BTAF1: variants seen among roughly 807,000 people sequenced by gnomAD.
BTAF1 encodes TATA-binding protein-associated factor 172.
Under a neutral mutation model 227.1 loss-of-function variants are expected in BTAF1, and 38 were observed. The ratio of observed to expected loss-of-function variants is 0.17; its 90% CI spans 0.13 to 0.22. The LOEUF (loss-of-function observed/expected upper bound fraction) is 0.22, where lower values mean the gene tolerates loss of function less well. BTAF1 is among the 10% of genes least tolerant of loss of function. BTAF1 has a pLI of 1.00. For missense variants in BTAF1, 1,598 were observed against 2,204.0 expected (o/e 0.73, Z 5.51); for synonymous variants, 742 against 751.9 (o/e 0.99, Z 0.21).
At chr10:91,984,853 C>T (rs545323709) in intron 19 of BTAF1, among the ~76,000 whole-genome samples, 23 of 152,234 alleles carry the variant, frequency 1.5e-4, no homozygotes, top group Non-Finnish European at 2.5e-4. Flanking sequence ...TTATCACATA[C>T]GTATTCACCT....
intron 20 of BTAF1, among the ~76,000 whole-genome samples, chr10:91,991,291 T>TATATATATATATATATATATATATAA (rs1456317058): frequency 7.5e-6 from 1 of 133,060 alleles, no homozygotes; most frequent in South Asian, 2.6e-4. Flanking sequence ...TATATATATA[T>TATATATATATATATATATATATATAA]AAATTATCCG....
intron 35 of BTAF1, among the ~76,000 whole-genome samples, chr10:92,025,897 C>T (rs997050634): frequency 5.3e-5 from 8 of 151,824 alleles, no homozygotes; most frequent in Non-Finnish European, 1.0e-4. Context: ...CTTTGGAAGC[C>T]GACAGGCTCA....
At chr10:92,021,926 A>G (rs369564137) in intron 34 of BTAF1, among the ~76,000 whole-genome samples, 12 of 152,308 alleles carry the variant, frequency 7.9e-5, no homozygotes, top group East Asian at 3.9e-4. Flanking sequence ...AATATGAGGA[A>G]TGATTGAAAA....
Position 91,942,563 on chromosome 10 carries a change from A to G in BTAF1, c.395A>G (p.Lys132Arg). 3 of 1,614,014 alleles carry G rather than the reference A, an allele frequency of 1.9e-6. No homozygotes were observed. Among genetic ancestry groups the G allele is most frequent in the Non-Finnish European group, 1.7e-6 (2 of 1,179,980 alleles). Reference protein sequence around the residue: ...AGAEFEVQDEKSGEVDPKERI... With the variant: ...AGAEFEVQDERSGEVDPKERI... Reference sequence around the variant, plus strand: ...GCCGAATTTGAAGTCCAAGATGAAAAATCAGGTCTGTAGTGGTTCTGAGAA... The same window carrying G: ...GCCGAATTTGAAGTCCAAGATGAAAGATCAGGTCTGTAGTGGTTCTGAGAA... The change falls in exon 4 of 38, where the codon AAA becomes AGA. Residue 132 changes from lysine (K) to arginine (R), a missense_variant. Lys to Arg is a conservative substitution (Grantham distance 26). Around this residue, in one of 10 missense-constraint regions of BTAF1, gnomAD observed 298 missense variants for 395.2 expected, o/e 0.75. Coordinates refer to ENST00000265990, the MANE Select transcript of BTAF1 (RefSeq NM_003972.3).
chr10:91,959,226 C>T (rs1169358739), intron 9 of BTAF1, 72 bp downstream of exon 9: 5 of 1,602,712 alleles, frequency 3.1e-6, no homozygotes, highest in Non-Finnish European at 4.3e-6. Flanking sequence ...AGGGAAGTAA[C>T]GAGTATGTGC....
intron 35 of BTAF1, among the ~76,000 whole-genome samples, chr10:92,025,828 A>C (rs1351896602): frequency 2.0e-5 from 3 of 151,352 alleles, no homozygotes; most frequent in African/African-American, 7.3e-5. Context: ...AAAAAAAAAA[A>C]AAAACAAGCA....
intron 18 of BTAF1, among the ~76,000 whole-genome samples, chr10:91,983,376 A>G (rs1848192891): frequency 6.6e-6 from 1 of 152,194 alleles, no homozygotes; most frequent in Non-Finnish European, 1.5e-5. Flanking sequence ...TGGAAATTTA[A>G]CTGTCTGCAC....
chr10:92,009,348 A>G, intron 28 of BTAF1, 140 bp downstream of exon 28: 1 of 911,372 alleles, frequency 1.1e-6, no homozygotes, highest in Non-Finnish European at 1.6e-6. Flanking sequence ...AAGTGAATGT[A>G]CTTTGGGAAG....
intron 4 of BTAF1, among the ~76,000 whole-genome samples, chr10:91,945,902 C>T (rs1845331351): frequency 1.3e-5 from 2 of 152,204 alleles, no homozygotes; most frequent in Admixed American, 1.3e-4. Context: ...TTTCTACCAA[C>T]AGTACACAAG....
intron 21 of BTAF1, among the ~76,000 whole-genome samples, chr10:91,993,233 A>C (rs761397523): frequency 3.3e-5 from 5 of 152,174 alleles, no homozygotes; most frequent in Non-Finnish European, 7.4e-5. Context: ...TTGGGGGGAC[A>C]GATTTATGGA....
chr10:91,942,295 A>AAAGTGTGTGT, intron 3 of BTAF1, 127 bp from the exon 4 acceptor site: 1 of 553,824 alleles, frequency 1.8e-6, no homozygotes, highest in Non-Finnish European at 2.8e-6. Flanking sequence ...TAAAAAAAAA[A>AAAGTGTGTGT]GTTTGTGTGT....
intron 14 of BTAF1, among the ~76,000 whole-genome samples, chr10:91,974,944 G>T (rs1036183817): frequency 1.3e-5 from 2 of 152,198 alleles, no homozygotes; most frequent in African/African-American, 2.4e-5. Flanking sequence ...TAATCAAAGT[G>T]AAGGAATTTA....
At chr10:91,977,803 T>C (rs1015574706) in intron 14 of BTAF1, among the ~76,000 whole-genome samples, 1 of 152,220 alleles carries the variant, frequency 6.6e-6, no homozygotes, top group African/African-American at 2.4e-5. Context: ...AATTTGTATT[T>C]TCCTGGCAAC....
intron 29 of BTAF1, 43 bp from the exon 30 acceptor site, chr10:92,011,243 C>T: frequency 1.3e-6 from 2 of 1,501,532 alleles, no homozygotes; most frequent in Non-Finnish European, 1.8e-6. Flanking sequence ...TAGTTCCTGA[C>T]ATACAGCAAA....
intron 5 of BTAF1, among the ~76,000 whole-genome samples, chr10:91,953,116 C>A (rs1589795693): frequency 6.6e-6 from 1 of 152,152 alleles, no homozygotes; most frequent in South Asian, 2.1e-4. Flanking sequence ...AACATCCACA[C>A]CAGTGACCTT....
intron 29 of BTAF1, 42 bp from the exon 30 acceptor site, chr10:92,011,244 A>G: frequency 6.7e-7 from 1 of 1,502,092 alleles, no homozygotes; most frequent in Non-Finnish European, 8.9e-7. Flanking sequence ...AGTTCCTGAC[A>G]TACAGCAAAA....
At chr10:91,994,474 T>A in intron 22 of BTAF1, 61 bp from the exon 23 acceptor site, 1 of 1,286,522 alleles carries the variant, frequency 7.8e-7, no homozygotes, top group Non-Finnish European at 1.1e-6. Context: ...CTAAAAGTTT[T>A]TGTGTGCTCT....
intron 6 of BTAF1, among the ~76,000 whole-genome samples, chr10:91,954,340 C>T (rs907204489): frequency 6.6e-6 from 1 of 152,098 alleles, no homozygotes; most frequent in African/African-American, 2.4e-5. Context: ...GTGCCTTAAG[C>T]TGGGGCTATG....
intron 30 of BTAF1, 33 bp from the exon 31 acceptor site, chr10:92,013,634 A>G (rs200751244): frequency 6.6e-5 from 106 of 1,613,632 alleles, no homozygotes; most frequent in Admixed American, 4.3e-4. Context: ...AAATAATCCC[A>G]GTACAAAAGA....
Sources: gnomAD v4.1 joint callset for allele counts (sites outside exome capture counted in the v4.1 genomes callset) on GRCh38, gnomAD v4.1.1 for gene constraint, gnomAD v4.1.1 regional missense constraint, MANE v1.5 for transcripts, NCBI Gene and HGNC (gene_info 2026-07-23, HGNC 2026-07-21) for gene names.